NR6A1: variants seen among roughly 807,000 people sequenced by gnomAD.
NR6A1 encodes nuclear receptor subfamily 6 group A member 1, also known as retinoic acid receptor-related testis-associated receptor.
Under a neutral mutation model 59.1 loss-of-function variants are expected in NR6A1, and 7 were observed. That is an observed-to-expected ratio of 0.12 (90% CI 0.07 to 0.22). NR6A1 has a LOEUF of 0.22. Among genes scored for constraint, NR6A1 ranks in the 10% least tolerant of loss-of-function variants. The pLI is 1.00. For missense variants in NR6A1, 468 were observed against 611.6 expected, an observed-to-expected ratio of 0.77 and a Z score of 2.48; for synonymous variants, 243 against 236.1, an observed-to-expected ratio of 1.03 and a Z score of -0.27.
intron 1 of NR6A1, among the ~76,000 whole-genome samples, chr9:124,748,322 G>T (rs1054203254): frequency 6.6e-6 from 1 of 152,018 alleles, no homozygotes; most frequent in African/African-American, 2.4e-5. Flanking sequence ...TGTATAATAG[G>T]GGGTACAAAT....
intron 2 of NR6A1, among the ~76,000 whole-genome samples, chr9:124,629,733 G>C (rs1409663904): frequency 6.6e-6 from 1 of 152,166 alleles, no homozygotes; most frequent in Non-Finnish European, 1.5e-5. Context: ...ATCGTTCTAT[G>C]TACAGTGTTG....
rs1342773750 is a variant in NR6A1, at chr9:124,758,290, C to G, written c.100+12730G>C. ...CACCCCTCCCCCATGCACCTCTCCC[C>G]TTTCCTGCTGGGTTCCCTTTTTACA... On this transcript the variant is annotated intron_variant, in intron 1 of 9. Transcript: ENST00000487099. Among the ~76,000 whole-genome samples, 5 of 152,360 alleles carry G rather than the reference C, an allele frequency of 3.3e-5. No homozygotes were observed. The East Asian group carries it at 5.8e-4, about 18-fold the overall frequency.
intron 2 of NR6A1, among the ~76,000 whole-genome samples, chr9:124,701,848 C>T (rs1345984273): frequency 6.6e-6 from 1 of 152,052 alleles, no homozygotes; most frequent in African/African-American, 2.4e-5. Flanking sequence ...TTCAGCCTCC[C>T]GAGTAGCTGG....
intron 2 of NR6A1, among the ~76,000 whole-genome samples, chr9:124,612,793 T>TTTTCTTTCTTTCTTTCTTTCTTTC (rs72252917): frequency 6.7e-4 from 97 of 145,576 alleles, no homozygotes; most frequent in Middle Eastern, 3.5e-3. Context: ...TCTTTCTTTC[T>TTTTCTTTCTTTCTTTCTTTCTTTC]TTTCTTTCTT....
chr9:124,767,719 T>C (rs1840979340), intron 1 of NR6A1, among the ~76,000 whole-genome samples: 1 of 152,130 alleles, frequency 6.6e-6, no homozygotes, highest in Non-Finnish European at 1.5e-5. Context: ...GCATAAACAT[T>C]TGGACGGCAT....
chr9:124,608,550 G>A lies in NR6A1; in HGVS notation c.143-53980C>T, dbSNP rs367770893. On this transcript the variant is annotated intron_variant, in intron 2 of 9. Coordinates refer to ENST00000487099, the MANE Select transcript of NR6A1 (RefSeq NM_033334.4). ...TCTTTATCCAGTCTATCATTCATGG[G>A]CATTTGGGTTGATTCTATGTCTTTG... Among the ~76,000 whole-genome samples the A allele has an allele frequency of 1.7e-4, 26 of 152,258 alleles. No homozygotes were observed. The East Asian group carries it at 4.2e-3, about 25-fold the overall frequency.
intron 2 of NR6A1, among the ~76,000 whole-genome samples, chr9:124,555,232 T>C (rs548163973): frequency 1.4e-4 from 22 of 152,160 alleles, no homozygotes; most frequent in African/African-American, 4.6e-4. Context: ...AAATTCAGGA[T>C]AGAATATAGC....
At chr9:124,752,238 C>T (rs959211208) in intron 1 of NR6A1, among the ~76,000 whole-genome samples, 10 of 152,126 alleles carry the variant, frequency 6.6e-5, no homozygotes, top group African/African-American at 2.4e-4. Context: ...CACTGCACTC[C>T]AGCCTGGGCA....
intron 3 of NR6A1, among the ~76,000 whole-genome samples, chr9:124,547,704 GT>G (rs1183987972): frequency 6.6e-6 from 1 of 152,168 alleles, no homozygotes; most frequent in African/African-American, 2.4e-5. Context: ...TAACCTGCAT[GT>G]ATTCGTGAGG....
At chr9:124,763,826 AG>A (rs558650325) in intron 1 of NR6A1, among the ~76,000 whole-genome samples, 138 of 152,346 alleles carry the variant, frequency 9.1e-4, no homozygotes, top group African/African-American at 3.2e-3. Context: ...AATTCTTCCA[AG>A]GTGATACAGC....
At chr9:124,761,575 G>A (rs142172876) in intron 1 of NR6A1, among the ~76,000 whole-genome samples, 9 of 152,246 alleles carry the variant, frequency 5.9e-5, no homozygotes, top group African/African-American at 1.9e-4. Context: ...CTCCTATACA[G>A]ACTTTATTAC....
chr9:124,547,831 G>C (rs970144020), intron 3 of NR6A1, among the ~76,000 whole-genome samples: 3 of 152,078 alleles, frequency 2.0e-5, no homozygotes, highest in Non-Finnish European at 2.9e-5. Flanking sequence ...GATTAAAAGA[G>C]ACTGAAAAGA....
At chr9:124,739,139 G>T (rs1189315533) in intron 1 of NR6A1, among the ~76,000 whole-genome samples, 1 of 148,306 alleles carries the variant, frequency 6.7e-6, no homozygotes, top group African/African-American at 2.5e-5. Flanking sequence ...AGTGAGCCCA[G>T]ATCACATCAC....
intron 2 of NR6A1, among the ~76,000 whole-genome samples, chr9:124,579,107 C>T (rs1473998345): frequency 6.6e-6 from 1 of 152,186 alleles, no homozygotes; most frequent in African/African-American, 2.4e-5. Flanking sequence ...CATAGGGAGA[C>T]TCCATCTCTA....
intron 2 of NR6A1, among the ~76,000 whole-genome samples, chr9:124,564,518 C>A (rs1022328857): frequency 1.3e-5 from 2 of 152,120 alleles, no homozygotes; most frequent in Non-Finnish European, 2.9e-5. Context: ...GATACAAGAT[C>A]TCTATGGAGA....
intron 2 of NR6A1, among the ~76,000 whole-genome samples, chr9:124,716,714 C>A (rs1408875331): frequency 6.6e-6 from 1 of 152,210 alleles, no homozygotes; most frequent in East Asian, 1.9e-4. Context: ...TCACTGCAAC[C>A]TCCACCTTTC....
At chr9:124,684,118 A>G (rs1411870811) in intron 2 of NR6A1, among the ~76,000 whole-genome samples, 1 of 152,202 alleles carries the variant, frequency 6.6e-6, no homozygotes, top group East Asian at 1.9e-4. Flanking sequence ...CAGCAAGAAA[A>G]CAAGCAAATA....
intron 1 of NR6A1, among the ~76,000 whole-genome samples, chr9:124,767,825 T>C (rs1227160680): frequency 1.3e-5 from 2 of 152,272 alleles, no homozygotes; most frequent in East Asian, 1.9e-4. Flanking sequence ...TAATTACTTA[T>C]AATGGCTTAT....
chr9:124,543,766 C>T, intron 4 of NR6A1, 36 bp downstream of exon 4: 1 of 1,578,780 alleles, frequency 6.3e-7, no homozygotes, highest in Non-Finnish European at 8.6e-7. Flanking sequence ...CCTGGGCTTC[C>T]AGGACGGACC....
Sources: gnomAD v4.1 joint callset for allele counts (sites outside exome capture counted in the v4.1 genomes callset) on GRCh38, gnomAD v4.1.1 for gene constraint, MANE v1.5 for transcripts, NCBI Gene and HGNC (gene_info 2026-07-23, HGNC 2026-07-21) for gene names.